RIT2: variants seen among roughly 807,000 people sequenced by gnomAD.
RIT2 encodes the protein GTP-binding protein Rit2.
A neutral mutation model predicts 23.7 loss-of-function variants in RIT2; 24 were observed. The ratio of observed to expected loss-of-function variants is 1.01; its 90% CI spans 0.73 to 1.43. RIT2 has a LOEUF of 1.43. Ranked by LOEUF, RIT2 falls within the 40% of genes most tolerant of loss-of-function variation. The probability of loss-of-function intolerance (pLI) is 0.00; values close to 1 mark genes in which losing one functional copy is unlikely to be tolerated. For missense variants in RIT2, 236 were observed against 266.9 expected (o/e 0.88, Z 0.81); for synonymous variants, 107 against 91.1 (o/e 1.17, Z -0.99).
At chr18:42,826,395 T>G (rs1356266498) in intron 4 of RIT2, among the ~76,000 whole-genome samples, 3 of 152,000 alleles carry the variant, frequency 2.0e-5, no homozygotes, top group Non-Finnish European at 2.9e-5. Flanking sequence ...GAGAAACAGA[T>G]TAAGAGAGAA....
chr18:42,894,403 T>C (rs1171657702), intron 4 of RIT2, among the ~76,000 whole-genome samples: 1 of 152,132 alleles, frequency 6.6e-6, no homozygotes, highest in East Asian at 1.9e-4. Flanking sequence ...GAGTATATAG[T>C]GGTCATAAAC....
At chr18:42,921,526 T>C (rs1909056105) in intron 4 of RIT2, among the ~76,000 whole-genome samples, 1 of 152,094 alleles carries the variant, frequency 6.6e-6, no homozygotes, top group African/African-American at 2.4e-5. Flanking sequence ...AAACATGCCT[T>C]TGTGAGATCC....
chr18:42,911,472 A>T (rs1348577317), intron 4 of RIT2, among the ~76,000 whole-genome samples: 1 of 152,068 alleles, frequency 6.6e-6, no homozygotes, highest in African/African-American at 2.4e-5. Context: ...AAAATCAGAA[A>T]TGCAATAGAA....
Position 43,033,151 on chromosome 18 carries a change from T to C in RIT2, c.160+660A>G, listed in dbSNP as rs145874412. Reference sequence around the variant, plus strand: ...AAAATTTCCAGCCAATTCTTTAAAGTAGTTTTTTGAATGAGTAAAGCAATT... The same window carrying C: ...AAAATTTCCAGCCAATTCTTTAAAGCAGTTTTTTGAATGAGTAAAGCAATT... On this transcript the variant is annotated intron_variant, in intron 2 of 4. Coordinates refer to ENST00000326695, the MANE Select transcript of RIT2 (RefSeq NM_002930.4). Among the ~76,000 whole-genome samples, 14 of 152,244 alleles carry C rather than the reference T, an allele frequency of 9.2e-5. No individual in the cohort carries two copies. In the East Asian group the frequency reaches 2.7e-3, roughly 29 times the overall value.
chr18:42,845,856 G>T (rs1256210365), intron 4 of RIT2, among the ~76,000 whole-genome samples: 1 of 151,690 alleles, frequency 6.6e-6, no homozygotes, highest in East Asian at 1.9e-4. Context: ...CAAATATTTA[G>T]AATTAGAAAG....
chr18:42,828,485 T>G (rs955013650), intron 4 of RIT2, among the ~76,000 whole-genome samples: 3 of 152,230 alleles, frequency 2.0e-5, no homozygotes, highest in African/African-American at 7.2e-5. Context: ...TAACTTTGGT[T>G]TTAGAATAGG....
At chr18:42,859,339 T>TA (rs1907266497) in intron 4 of RIT2, among the ~76,000 whole-genome samples, 1 of 152,220 alleles carries the variant, frequency 6.6e-6, no homozygotes, top group Non-Finnish European at 1.5e-5. Context: ...ATTGACCATT[T>TA]AAAAAAATCA....
chr18:42,790,854 C>T (rs1914027633), intron 4 of RIT2, among the ~76,000 whole-genome samples: 2 of 152,186 alleles, frequency 1.3e-5, no homozygotes, highest in Non-Finnish European at 2.9e-5. Context: ...CTCAAAGAAG[C>T]TGAGACATTG....
chr18:42,953,022 T>C (rs1293573149), intron 3 of RIT2, among the ~76,000 whole-genome samples: 1 of 151,818 alleles, frequency 6.6e-6, no homozygotes, highest in Non-Finnish European at 1.5e-5. Context: ...TTGTTTTTCA[T>C]TGTTATCTTC....
chr18:42,817,762 C>T (rs1000458676), intron 4 of RIT2, among the ~76,000 whole-genome samples: 1 of 151,920 alleles, frequency 6.6e-6, no homozygotes, highest in Non-Finnish European at 1.5e-5. Flanking sequence ...CTTTTCTGTG[C>T]CTCAATTTCC....
At chr18:43,025,934 C>T (rs1345425094) in intron 2 of RIT2, among the ~76,000 whole-genome samples, 1 of 150,136 alleles carries the variant, frequency 6.7e-6, no homozygotes, top group Non-Finnish European at 1.5e-5. Flanking sequence ...CACCACTATA[C>T]AATATATCCA....
chr18:42,809,630 T>C, intron 4 of RIT2, among the ~76,000 whole-genome samples: 1 of 151,666 alleles, frequency 6.6e-6, no homozygotes, highest in South Asian at 2.1e-4. Flanking sequence ...AACTGTCTAA[T>C]ATAAGGTTTG....
At chr18:42,949,619 ATC>A (rs2144170476) in intron 3 of RIT2, among the ~76,000 whole-genome samples, 1 of 152,092 alleles carries the variant, frequency 6.6e-6, no homozygotes, top group South Asian at 2.1e-4. Context: ...AGTATGAGAA[ATC>A]TCTCTTCATA....
At chr18:42,888,114 G>A (rs1272997605) in intron 4 of RIT2, among the ~76,000 whole-genome samples, 2 of 151,982 alleles carry the variant, frequency 1.3e-5, no homozygotes, top group Admixed American at 6.6e-5. Context: ...TACATAGGAA[G>A]TACAACACCG....
chr18:42,872,606 T>C (rs975769134), intron 4 of RIT2, among the ~76,000 whole-genome samples: 3 of 152,330 alleles, frequency 2.0e-5, no homozygotes, highest in African/African-American at 7.2e-5. Context: ...AACAGTTCTG[T>C]TTATTAAGTA....
At chr18:42,973,109 C>T (rs1322110568) in intron 3 of RIT2, among the ~76,000 whole-genome samples, 1 of 151,564 alleles carries the variant, frequency 6.6e-6, no homozygotes. Context: ...TTTTGCCTAC[C>T]TTTTTAATTC....
intron 2 of RIT2, among the ~76,000 whole-genome samples, chr18:43,030,358 T>C (rs1911825550): frequency 6.6e-6 from 1 of 151,936 alleles, no homozygotes; most frequent in Non-Finnish European, 1.5e-5. Flanking sequence ...AAAATATGGA[T>C]GAAAATGCTG....
At chr18:42,950,988 C>T (rs1316721500) in intron 3 of RIT2, among the ~76,000 whole-genome samples, 1 of 151,900 alleles carries the variant, frequency 6.6e-6, no homozygotes, top group African/African-American at 2.4e-5. Flanking sequence ...ATTAGTTCAG[C>T]CACTATGGAA....
In RIT2 at chr18:42,909,890, G is replaced by A. The variant is rs185307908; in HGVS notation, c.426+13682C>T. On this transcript the variant is annotated intron_variant, in intron 4 of 4. Coordinates refer to ENST00000326695, the MANE Select transcript of RIT2 (RefSeq NM_002930.4). ...AATAAGACCATCCTTCATTTCATGAGTTTAAAAATTATATTTTATAGTTGG... is the reference window on the plus strand; with the variant it reads ...AATAAGACCATCCTTCATTTCATGAATTTAAAAATTATATTTTATAGTTGG... Among the ~76,000 whole-genome samples the A allele has an allele frequency of 1.7e-4, 26 of 152,174 alleles. 1 individual carries two copies. The highest frequency in any genetic ancestry group is 6.0e-4 in the African/African-American group (25 of 41,556).
Sources: gnomAD v4.1 joint callset for allele counts (sites outside exome capture counted in the v4.1 genomes callset) on GRCh38, gnomAD v4.1.1 for gene constraint, MANE v1.5 for transcripts, NCBI Gene and HGNC (gene_info 2026-07-23, HGNC 2026-07-21) for gene names.